Variants in PTPRG observed in about 807,000 individuals in gnomAD.
PTPRG encodes receptor-type tyrosine-protein phosphatase gamma.
Under a neutral mutation model 165.3 loss-of-function variants are expected in PTPRG, and 102 were observed. The observed-to-expected ratio is 0.62, with a 90% CI of 0.53 to 0.73. The LOEUF (loss-of-function observed/expected upper bound fraction) is 0.73. Ranked by LOEUF, PTPRG falls within the 30% of genes least tolerant of loss-of-function variation. PTPRG has a pLI of 0.00. For missense variants in PTPRG, 1,866 were observed against 1,861.4 expected (o/e 1.00, Z -0.05); for synonymous variants, 675 against 669.5 (o/e 1.01, Z -0.13).
chr3:61,745,312 G>T (rs940741710), intron 1 of PTPRG, among the ~76,000 whole-genome samples: 7 of 152,124 alleles, frequency 4.6e-5, no homozygotes, highest in African/African-American at 1.7e-4. Flanking sequence ...CTCCCAAAGT[G>T]CTGGGATTAC....
At chr3:62,218,774 G>C (rs1032313117) in intron 12 of PTPRG, 77 bp from the exon 13 acceptor site, 1 of 1,513,594 alleles carries the variant, frequency 6.6e-7, no homozygotes, top group Non-Finnish European at 9.0e-7. Context: ...CACAAAACTG[G>C]AACAGAACTC....
At chr3:61,863,985 G>T (rs2037340404) in intron 2 of PTPRG, among the ~76,000 whole-genome samples, 1 of 152,168 alleles carries the variant, frequency 6.6e-6, no homozygotes, top group South Asian at 2.1e-4. Context: ...AATAGTGCTG[G>T]AGCCAGATAG....
At chr3:61,896,116 C>T (rs767688092) in intron 2 of PTPRG, among the ~76,000 whole-genome samples, 19 of 152,094 alleles carry the variant, frequency 1.2e-4, no homozygotes, top group Non-Finnish European at 2.2e-4. Context: ...TTGTCATTTG[C>T]GTAGGTTCAT....
chr3:61,564,297 C>T (rs1311944744), intron 1 of PTPRG, among the ~76,000 whole-genome samples: 4 of 152,108 alleles, frequency 2.6e-5, no homozygotes, highest in African/African-American at 9.7e-5. Flanking sequence ...AGTGGGAGGT[C>T]GTGGAGGGCT....
intron 8 of PTPRG, among the ~76,000 whole-genome samples, chr3:62,189,021 G>A (rs1699736791): frequency 6.6e-6 from 1 of 151,968 alleles, no homozygotes; most frequent in African/African-American, 2.4e-5. Flanking sequence ...CAGTAGGTTG[G>A]CGCCACCTAG....
At chr3:62,083,625 G>T (rs1157002725) in intron 5 of PTPRG, among the ~76,000 whole-genome samples, 4 of 152,164 alleles carry the variant, frequency 2.6e-5, no homozygotes, top group Non-Finnish European at 5.9e-5. Context: ...AATTTCATTG[G>T]TTTCTTTTTA....
chr3:62,178,319 C>G (rs1197033470), intron 8 of PTPRG, among the ~76,000 whole-genome samples: 1 of 152,138 alleles, frequency 6.6e-6, no homozygotes, highest in East Asian at 1.9e-4. Flanking sequence ...CTAACATATA[C>G]ATATCAGGTG....
At chr3:61,853,874 G>A (rs1460770896) in intron 2 of PTPRG, among the ~76,000 whole-genome samples, 2 of 152,206 alleles carry the variant, frequency 1.3e-5, no homozygotes, top group Non-Finnish European at 2.9e-5. Flanking sequence ...CATGACCCAG[G>A]TCTGGTCATT....
intron 4 of PTPRG, among the ~76,000 whole-genome samples, chr3:62,004,685 C>T (rs748889717): frequency 1.3e-5 from 2 of 152,182 alleles, no homozygotes; most frequent in Non-Finnish European, 2.9e-5. Flanking sequence ...AGCGAGCAGC[C>T]GGACCTAGAC....
intron 1 of PTPRG, among the ~76,000 whole-genome samples, chr3:61,623,667 G>A (rs1701526682): frequency 6.6e-6 from 1 of 152,144 alleles, no homozygotes; most frequent in Admixed American, 6.6e-5. Flanking sequence ...CTTTCAGTTA[G>A]CAGAGATAAA....
At chr3:61,770,873 G>C (rs2034186761) in intron 2 of PTPRG, 1 of 152,006 alleles carries the variant, frequency 6.6e-6, no homozygotes, top group Non-Finnish European at 1.5e-5. Flanking sequence ...CACGGACAAG[G>C]GTGCTCTTTC....
intron 2 of PTPRG, among the ~76,000 whole-genome samples, chr3:61,782,979 A>T (rs2034588909): frequency 1.3e-5 from 2 of 151,692 alleles, no homozygotes; most frequent in Admixed American, 6.6e-5. Context: ...ATTAAAACAA[A>T]TTTTTTTTAA....
rs185557179 is a variant in PTPRG at position 61,583,683 on chromosome 3, G to A, written c.85+21311G>A. Among the ~76,000 whole-genome samples the A allele has an allele frequency of 7.2e-5, 11 of 151,858 alleles. No individual in the cohort carries two copies. In the East Asian group the frequency reaches 1.9e-3, roughly 27 times the overall value. On this transcript the variant is annotated intron_variant, in intron 1 of 29. Coordinates refer to ENST00000474889, the MANE Select transcript of PTPRG (RefSeq NM_002841.4). ...TTTTTGAGGGTGGTAAAAAACTCAGGCTGGGCTCGATACACCTTTTCTCCC... is the reference window on the plus strand; with the variant it reads ...TTTTTGAGGGTGGTAAAAAACTCAGACTGGGCTCGATACACCTTTTCTCCC...
At chr3:61,597,542 T>G (rs888680806) in intron 1 of PTPRG, among the ~76,000 whole-genome samples, 1 of 152,228 alleles carries the variant, frequency 6.6e-6, no homozygotes, top group Non-Finnish European at 1.5e-5. Flanking sequence ...CTGCCCACAT[T>G]ATCTAGGGCA....
chr3:61,847,485 T>C (rs996213561), intron 2 of PTPRG, among the ~76,000 whole-genome samples: 10 of 152,256 alleles, frequency 6.6e-5, no homozygotes, highest in Non-Finnish European at 1.2e-4. Flanking sequence ...TGTGTTGTTA[T>C]TAGCACCCCA....
intron 8 of PTPRG, among the ~76,000 whole-genome samples, chr3:62,191,151 CGT>C (rs930905860): frequency 5.3e-5 from 8 of 149,774 alleles, no homozygotes; most frequent in African/African-American, 1.5e-4. Context: ...GTCCCGTGCA[CGT>C]GTGTGTGCGC....
intron 1 of PTPRG, among the ~76,000 whole-genome samples, chr3:61,643,979 T>C (rs1702132928): frequency 6.6e-6 from 1 of 152,222 alleles, no homozygotes; most frequent in Non-Finnish European, 1.5e-5. Context: ...CTTCCTGCTC[T>C]GTGGAACCAA....
chr3:62,054,349 C>T (rs1206697530), intron 4 of PTPRG, among the ~76,000 whole-genome samples: 1 of 152,050 alleles, frequency 6.6e-6, no homozygotes, highest in Non-Finnish European at 1.5e-5. Context: ...TCTATTTGGC[C>T]TTCTCTCCAG....
intron 2 of PTPRG, among the ~76,000 whole-genome samples, chr3:61,970,813 C>A (rs1269111478): frequency 1.3e-5 from 2 of 152,008 alleles, no homozygotes; most frequent in Non-Finnish European, 2.9e-5. Context: ...GGAATTTGAA[C>A]CAAATGAGTT....
Sources: allele counts gnomAD v4.1 joint callset (sites outside exome capture counted in the v4.1 genomes callset), GRCh38; gene constraint gnomAD v4.1.1; transcripts MANE v1.5; gene names NCBI Gene and HGNC (gene_info 2026-07-23, HGNC 2026-07-21).